GNG7: variants seen among roughly 807,000 people sequenced by gnomAD.
GNG7 encodes G protein subunit gamma 7, also known as guanine nucleotide-binding protein G(I)/G(S)/G(O) subunit gamma-7.
A neutral mutation model predicts 4.0 loss-of-function variants in GNG7; 1 was observed. The observed-to-expected ratio is 0.25, with a 90% CI of 0.09 to 1.18. The LOEUF is 1.18. GNG7 is among the 50% of genes most tolerant of loss of function. GNG7 has a pLI of 0.50. For missense variants in GNG7, 86 were observed against 91.9 expected (o/e 0.94, Z 0.26); for synonymous variants, 34 against 36.9 (o/e 0.92, Z 0.29).
chr19:2,695,984 C>A (rs1171476908), intron 1 of GNG7, among the ~76,000 whole-genome samples: 4 of 151,820 alleles, frequency 2.6e-5, no homozygotes, highest in Non-Finnish European at 5.9e-5. Flanking sequence ...CATGGTGAAA[C>A]CCTGTTTCTA....
At position 2,626,473 on chromosome 19, in the gene GNG7, C is replaced by T. The variant is rs1286255363; in HGVS notation, c.-78+19751G>A. On this transcript the variant is annotated intron_variant, in intron 2 of 4. Coordinates refer to ENST00000382159, the MANE Select transcript of GNG7 (RefSeq NM_052847.3). This position sits in a 1 kb window ranked among gnomAD's most constrained non-coding sequence, Gnocchi z 5.0. ...GGGATAAAATGCAGCCTCTGCCGTG[C>T]GGCCTCCTCACTCCCTCCCTCTCAC... Among the ~76,000 whole-genome samples, 5 of 152,144 alleles carry T rather than the reference C, an allele frequency of 3.3e-5. No homozygotes were observed. Among genetic ancestry groups the T allele is most frequent in the African/African-American group, 1.2e-4 (5 of 41,428 alleles).
intron 2 of GNG7, among the ~76,000 whole-genome samples, chr19:2,587,167 C>A (rs933572678): frequency 6.6e-6 from 1 of 151,956 alleles, no homozygotes; most frequent in Non-Finnish European, 1.5e-5. Context: ...GGTTTCACCA[C>A]GGAGAGTTGC....
chr19:2,699,950 G>T (rs1913361062), intron 1 of GNG7, among the ~76,000 whole-genome samples: 1 of 152,148 alleles, frequency 6.6e-6, no homozygotes, highest in Admixed American at 6.6e-5. Context: ...TTGAACAGGT[G>T]CATCTGTTAC....
intron 2 of GNG7, among the ~76,000 whole-genome samples, chr19:2,641,502 G>A (rs1177913384): frequency 2.0e-5 from 3 of 152,108 alleles, no homozygotes; most frequent in Non-Finnish European, 4.4e-5. Flanking sequence ...TGGCTGTGAA[G>A]GGGGAGGAGG....
chr19:2,551,728 G>C (rs1005483914), intron 3 of GNG7, among the ~76,000 whole-genome samples: 1 of 105,876 alleles, frequency 9.4e-6, no homozygotes, highest in Non-Finnish European at 1.8e-5. Flanking sequence ...CTGGCCCCCA[G>C]GCTGGAGTGC....
At chr19:2,668,656 A>G (rs1983373916) in intron 1 of GNG7, among the ~76,000 whole-genome samples, 1 of 152,118 alleles carries the variant, frequency 6.6e-6, no homozygotes, top group Non-Finnish European at 1.5e-5. Context: ...CCTGGGCTGG[A>G]GGAGGGCTGC....
intron 1 of GNG7, among the ~76,000 whole-genome samples, chr19:2,698,135 TGG>T (rs1913314067): frequency 6.9e-6 from 1 of 145,592 alleles, no homozygotes; most frequent in African/African-American, 2.6e-5. Flanking sequence ...GGTGTGGTGG[TGG>T]GTGCCTGTAG....
In GNG7 at chr19:2,634,397, G is replaced by A. The variant is rs763941674; in HGVS notation, c.-78+11827C>T. ...GCTCAGTGTCCCCGGGGTTGGGGGT[G>A]GGGGGCGGCATCACCCAGATGACCC... On this transcript the variant is annotated intron_variant, in intron 2 of 4. Coordinates refer to ENST00000382159, the MANE Select transcript of GNG7 (RefSeq NM_052847.3). The surrounding 1 kb of genome is among the most constrained non-coding windows in gnomAD (Gnocchi z 5.3). 1.3e-5 allele frequency among the ~76,000 whole-genome samples: 2 copies of A among 152,136 alleles called. No individual in the cohort carries two copies. Among genetic ancestry groups the A allele is most frequent in the Non-Finnish European group, 2.9e-5 (2 of 68,022 alleles).
chr19:2,580,946 G>T (rs1355388608), intron 2 of GNG7, among the ~76,000 whole-genome samples: 2 of 151,946 alleles, frequency 1.3e-5, no homozygotes. Context: ...TGTATTTTTA[G>T]TAGAGACAGG....
At chr19:2,679,495 CCTGT>C (rs1415262039) in intron 1 of GNG7, among the ~76,000 whole-genome samples, 2 of 152,158 alleles carry the variant, frequency 1.3e-5, no homozygotes, top group African/African-American at 2.4e-5. Context: ...TGATTCCTAT[CCTGT>C]CTGACACACA....
rs1451167127 is a variant in GNG7, at chr19:2,512,868, G to C, written c.*2154C>G. ...CCCAGGGTCTCTGGAACAGGCTTTT[G>C]TCCCTTCCTGCCATTCCTGCTATGC... On this transcript the variant is annotated 3_prime_UTR_variant, in exon 5 of 5. Coordinates refer to ENST00000382159, the MANE Select transcript of GNG7 (RefSeq NM_052847.3). The surrounding 1 kb of genome is among the most constrained non-coding windows in gnomAD (Gnocchi z 4.7). The C allele has an allele frequency of 1.0e-6, 1 of 980,416 alleles. No homozygotes were observed. Among genetic ancestry groups the C allele is most frequent in the African/African-American group, 1.7e-5 (1 of 57,154 alleles). The allele number at this position is 980,416 out of a possible 1,614,324, so 60.7% of individuals were successfully genotyped here. A position where few individuals can be genotyped will look rare whatever the true frequency, so the allele number is the denominator to read the frequency against.
rs968690989 is a variant in GNG7, at chr19:2,614,983, C to T, written c.-78+31241G>A. On this transcript the variant is annotated intron_variant, in intron 2 of 4. Transcript: ENST00000382159. This position sits in a 1 kb window ranked among gnomAD's most constrained non-coding sequence, Gnocchi z 6.0. ...CAGGCAGCTGATTGTTGAAGGTCAC[C>T]CCGTAGCCATTGGCAGAGCCAGAAC... is the stretch of plus-strand genomic sequence containing the variant. Among the ~76,000 whole-genome samples the T allele has an allele frequency of 2.6e-5, 4 of 152,146 alleles. No individual in the cohort carries two copies. The highest frequency in any genetic ancestry group is 4.4e-5 in the Non-Finnish European group (3 of 68,036).
intron 3 of GNG7, among the ~76,000 whole-genome samples, chr19:2,551,477 C>T (rs1979317125): frequency 7.7e-6 from 1 of 129,592 alleles, no homozygotes; most frequent in South Asian, 2.5e-4. Context: ...GCCAAAAAGC[C>T]CTGCCGTGCT....
chr19:2,700,404 A>G (rs1305581150), intron 1 of GNG7, among the ~76,000 whole-genome samples: 2 of 152,144 alleles, frequency 1.3e-5, no homozygotes, highest in African/African-American at 4.8e-5. Flanking sequence ...CGGCCTCCCA[A>G]AGCGCGGGGA....
intron 3 of GNG7, among the ~76,000 whole-genome samples, chr19:2,525,289 G>T (rs1392055809): frequency 6.6e-6 from 1 of 152,192 alleles, no homozygotes; most frequent in Non-Finnish European, 1.5e-5. Context: ...CCCTCCTGAC[G>T]GTCGGGCTCT....
Position 2,512,362 on chromosome 19 carries a change from A to T in GNG7, c.*2660T>A. Reference sequence around the variant, plus strand: ...ACTGAAGTCTACTCAAGAAAAAAAAAAGTGGAGAATTTTTTTTTTAATCCC... The same window carrying T: ...ACTGAAGTCTACTCAAGAAAAAAAATAGTGGAGAATTTTTTTTTTAATCCC... On this transcript the variant is annotated 3_prime_UTR_variant, in exon 5 of 5. Coordinates refer to ENST00000382159, the MANE Select transcript of GNG7 (RefSeq NM_052847.3). The surrounding 1 kb of genome is among the most constrained non-coding windows in gnomAD (Gnocchi z 4.7). 1 of 985,632 alleles carries T rather than the reference A, an allele frequency of 1.0e-6. No homozygotes were observed. The allele number at this position is 985,632 out of a possible 1,614,324, so 61.1% of individuals were successfully genotyped here.
intron 3 of GNG7, among the ~76,000 whole-genome samples, chr19:2,548,333 T>G: frequency 6.7e-6 from 1 of 148,406 alleles, no homozygotes. Context: ...CAAAAGAAAT[T>G]TGCTGGGTGT....
intron 1 of GNG7, among the ~76,000 whole-genome samples, chr19:2,650,180 A>G (rs545057224): frequency 1.3e-3 from 164 of 123,094 alleles, no homozygotes; most frequent in African/African-American, 5.4e-3. Context: ...GTGTCATAGG[A>G]ATCTTTTTTT....
rs531064012 is a variant in GNG7, at chr19:2,672,071, A to G, written c.-134-25791T>C. On this transcript the variant is annotated intron_variant, in intron 1 of 4. Transcript: ENST00000382159. The stretch of plus-strand genomic sequence containing the variant: ...GTCTCAAAAAAAAAAAAAAAAAAAG[A>G]TGGAGTCTCGCTCTCTCACCCAGTG... Among the ~76,000 whole-genome samples, 676 of 139,272 alleles carry G rather than the reference A, an allele frequency of 4.9e-3. 4 individuals are homozygous for G. The highest frequency in any genetic ancestry group is 8.2e-3 in the Non-Finnish European group (528 of 64,760). 91.4% of individuals were successfully genotyped at this position (139,272 alleles called of 152,430 possible).
Sources: gnomAD v4.1 joint callset for allele counts (sites outside exome capture counted in the v4.1 genomes callset) on GRCh38, gnomAD v4.1.1 for gene constraint, Gnocchi (gnomAD v3.1) non-coding constraint, MANE v1.5 for transcripts, NCBI Gene and HGNC (gene_info 2026-07-23, HGNC 2026-07-21) for gene names.